Variants in PADI6 observed in about 807,000 individuals in gnomAD.
The protein encoded by PADI6 is inactive protein-arginine deiminase type-6.
A neutral mutation model predicts 78.2 loss-of-function variants in PADI6; 66 were observed. The ratio of observed to expected loss-of-function variants is 0.84; its 90% CI spans 0.69 to 1.04. The LOEUF (loss-of-function observed/expected upper bound fraction) is 1.04. PADI6 is among the 50% of genes least tolerant of loss of function. The probability of loss-of-function intolerance (pLI) is 0.00; values close to 1 mark genes in which losing one functional copy is unlikely to be tolerated. For missense variants in PADI6, 854 were observed against 866.1 expected, an observed-to-expected ratio of 0.99 and a Z score of 0.18; for synonymous variants, 397 against 346.9, an observed-to-expected ratio of 1.14 and a Z score of -1.60.
intron 3 of PADI6, among the ~76,000 whole-genome samples, chr1:17,378,379 T>C (rs946766780): frequency 6.6e-6 from 1 of 152,220 alleles, no homozygotes; most frequent in Non-Finnish European, 1.5e-5. Context: ...GAGCATCTGC[T>C]GGTCAGGTGC....
intron 14 of PADI6, 85 bp downstream of exon 14, chr1:17,397,226 G>T: frequency 6.7e-7 from 1 of 1,482,880 alleles, no homozygotes; most frequent in Non-Finnish European, 9.3e-7. Context: ...CCCCTCCTGA[G>T]GGGTGAAGTG....
rs146919924 is a variant in PADI6, at chr1:17,398,520, C to A, written c.1690-166C>A. 4.7e-3 allele frequency among the ~76,000 whole-genome samples: 711 copies of A among 152,226 alleles called. 5 individuals are homozygous for A. Among genetic ancestry groups the A allele is most frequent in the Non-Finnish European group, 8.2e-3 (561 of 68,018 alleles). On this transcript the variant is annotated intron_variant, in intron 14 of 15. Transcript: ENST00000619609. The stretch of plus-strand genomic sequence containing the variant: ...CATGTGAAAAGGGAACTGCCTATTT[C>A]GTAAGGCTGGTATGAAGTGTGAGGC...
At chr1:17,383,110 T>G (rs1018759153) in intron 6 of PADI6, among the ~76,000 whole-genome samples, 40 of 152,210 alleles carry the variant, frequency 2.6e-4, no homozygotes, top group Admixed American at 2.4e-3. Context: ...TTGTAAACCA[T>G]GCTTAGCTTC....
chr1:17,396,002 A>C (rs1026097612), intron 13 of PADI6, among the ~76,000 whole-genome samples: 1 of 152,128 alleles, frequency 6.6e-6, no homozygotes, highest in African/African-American at 2.4e-5. Context: ...AGGGACTGGG[A>C]CTTTGTGGGT....
At position 17,401,496 on chromosome 1, in the gene PADI6, C is replaced by T; in HGVS notation, c.*58C>T. Reference sequence around the variant, plus strand: ...GCGTGGATGGCCCACTGTCACCATGCAACAGCATGATTCTTTGCCCAGTAG... The same window carrying T: ...GCGTGGATGGCCCACTGTCACCATGTAACAGCATGATTCTTTGCCCAGTAG... On this transcript the variant is annotated 3_prime_UTR_variant, in exon 16 of 16. Transcript: ENST00000619609. The T allele has an allele frequency of 3.5e-6, 5 of 1,435,080 alleles. No homozygotes were observed. Among genetic ancestry groups the T allele is most frequent in the Admixed American group, 1.9e-5 (1 of 53,458 alleles). The allele number at this position is 1,435,080 out of a possible 1,614,324, so 88.9% of individuals were successfully genotyped here.
At chr1:17,376,352 T>A (rs576179987) in intron 3 of PADI6, among the ~76,000 whole-genome samples, 2 of 151,904 alleles carry the variant, frequency 1.3e-5, no homozygotes, top group Admixed American at 6.6e-5. Context: ...CAGGCTGGAG[T>A]GCAGTGGCGC....
chr1:17,397,356 T>C (rs2075257121), intron 14 of PADI6, among the ~76,000 whole-genome samples: 1 of 151,988 alleles, frequency 6.6e-6, no homozygotes, highest in Admixed American at 6.6e-5. Flanking sequence ...AGGAGTTAGG[T>C]CTCTGGAGTC....
At position 17,401,273 on chromosome 1, in the gene PADI6, C is replaced by T. The variant is rs1208120706; in HGVS notation, c.1920C>T (p.Thr640=). Residue 640 remains threonine, a synonymous_variant, in exon 16 of 16, where the codon ACC becomes ACT. Transcript: ENST00000619609. ...PKPFGPQIKG[T]CCLEEKICCL... ...CTTTTGGGCCCCAAATCAAGGGGAC[C>T]TGCTGCCTGGAAGAAAAGATTTGCT... is the stretch of plus-strand genomic sequence containing the variant. The T allele has an allele frequency of 2.5e-6, 4 of 1,614,086 alleles. No homozygotes were observed. The highest frequency in any genetic ancestry group is 3.4e-6 in the Non-Finnish European group (4 of 1,179,912).
chr1:17,382,219 C>A, intron 6 of PADI6, 127 bp downstream of exon 6: 1 of 1,189,516 alleles, frequency 8.4e-7, no homozygotes, highest in Non-Finnish European at 1.2e-6. Flanking sequence ...AGATGAGAGG[C>A]TGTTGTGGCT....
At chr1:17,384,830 C>T (rs998586968) in intron 6 of PADI6, among the ~76,000 whole-genome samples, 3 of 152,206 alleles carry the variant, frequency 2.0e-5, no homozygotes, top group Non-Finnish European at 4.4e-5. Flanking sequence ...CTGATAATAA[C>T]AGTGAAAAGC....
At chr1:17,400,947 A>G (rs574017567) in intron 15 of PADI6, among the ~76,000 whole-genome samples, 1 of 152,354 alleles carries the variant, frequency 6.6e-6, no homozygotes, top group Non-Finnish European at 1.5e-5. Context: ...TGTTGTATCC[A>G]GGTGACAAGA....
intron 5 of PADI6, 28 bp from the exon 6 acceptor site, chr1:17,381,939 C>T (rs1020178936): frequency 4.3e-6 from 7 of 1,612,904 alleles, no homozygotes; most frequent in East Asian, 2.2e-5. Context: ...CCAGACATTC[C>T]TTAACCTTTG....
At position 17,381,121 on chromosome 1, in the gene PADI6, G is replaced by A; in HGVS notation, c.510G>A (p.Gln170=). The A allele has an allele frequency of 1.9e-6, 3 of 1,609,776 alleles. No homozygotes were observed. Among genetic ancestry groups the A allele is most frequent in the South Asian group, 2.2e-5 (2 of 89,750 alleles). ...ATTGCAACCCTGCTGATGTGGGCCA[G>A]CAACTTGAGGACAAGAAAACCAAGA... ...LVNCNPADVG[Q]QLEDKKTKKV... is the part of the protein sequence containing the mutation. The change falls in exon 5 of 16, where the codon CAG becomes CAA. Residue 170 remains glutamine, a synonymous_variant. Transcript: ENST00000619609.
intron 3 of PADI6, 27 bp from the exon 4 acceptor site, chr1:17,379,893 C>A: frequency 6.2e-7 from 1 of 1,609,180 alleles, no homozygotes; most frequent in Non-Finnish European, 8.5e-7. Context: ...GTCAAGGTGG[C>A]TGGGACACCC....
In PADI6 at chr1:17,373,221, G is replaced by A; in HGVS notation, c.282G>A (p.Val94=). The A allele has an allele frequency of 6.2e-7, 1 of 1,613,902 alleles. No homozygotes were observed. Residue 94 remains valine, a synonymous_variant, in exon 2 of 16, where the codon GTG becomes GTA. Coordinates refer to ENST00000619609, the MANE Select transcript of PADI6 (RefSeq NM_207421.4). ...AGATGACATCGCCCAGCCCTTCCGT[G>A]GATGCGGATAAGGTAAGCCTCAGGG... The part of the protein sequence containing the change: ...TVKMTSPSPS[V]DADKVSVTYY...
At chr1:17,374,068 A>C (rs373657459) in intron 2 of PADI6, among the ~76,000 whole-genome samples, 1 of 151,998 alleles carries the variant, frequency 6.6e-6, no homozygotes, top group South Asian at 2.1e-4. Context: ...CCCCTCTACC[A>C]ATTAAACCTG....
intron 12 of PADI6, 94 bp downstream of exon 12, chr1:17,395,201 T>G (rs1290456222): frequency 2.3e-6 from 1 of 428,242 alleles, no homozygotes; most frequent in Non-Finnish European, 3.1e-6. Flanking sequence ...TTTTTCTTGT[T>G]TTTTTTTTTT....
chr1:17,401,179 C>T (rs2075297831), intron 15 of PADI6, 26 bp from the exon 16 acceptor site: 6 of 1,608,152 alleles, frequency 3.7e-6, no homozygotes, highest in Non-Finnish European at 5.1e-6. Context: ...CCTGTCCAGG[C>T]CTCACCCACC....
intron 8 of PADI6, among the ~76,000 whole-genome samples, chr1:17,390,560 C>T (rs1168492293): frequency 6.6e-6 from 1 of 150,482 alleles, no homozygotes; most frequent in Non-Finnish European, 1.5e-5. Flanking sequence ...GCCAAGATTG[C>T]ACCACTGTAC....
Sources: allele counts gnomAD v4.1 joint callset (sites outside exome capture counted in the v4.1 genomes callset), GRCh38; gene constraint gnomAD v4.1.1; transcripts MANE v1.5; gene names NCBI Gene and HGNC (gene_info 2026-07-23, HGNC 2026-07-21).